PTPRH: variants seen among roughly 807,000 people sequenced by gnomAD.
PTPRH encodes the protein protein tyrosine phosphatase receptor type H, also known as receptor-type tyrosine-protein phosphatase H.
PTPRH carries 113 observed loss-of-function variants against 130.2 expected under a neutral mutation model. The observed-to-expected ratio is 0.87, with a 90% CI of 0.75 to 1.01. PTPRH has a LOEUF of 1.01. PTPRH is among the 50% of genes least tolerant of loss of function. PTPRH has a pLI of 0.00. For synonymous variants in PTPRH, 556 were observed against 577.9 expected (o/e 0.96, Z 0.54); for missense variants, 1,430 against 1,425.0 (o/e 1.00, Z -0.06).
chr19:55,195,802 C>T (rs1157012882), intron 10 of PTPRH, among the ~76,000 whole-genome samples: 1 of 152,114 alleles, frequency 6.6e-6, no homozygotes, highest in African/African-American at 2.4e-5. Context: ...AACTCCTGAG[C>T]TCAAGTGATC....
chr19:55,206,641 C>T, intron 3 of PTPRH, 48 bp downstream of exon 3: 1 of 1,527,822 alleles, frequency 6.5e-7, no homozygotes, highest in Non-Finnish European at 8.8e-7. Context: ...CACCCCCTAC[C>T]ACTGTCCTTA....
chr19:55,206,415 C>G (rs1270659053), intron 3 of PTPRH, among the ~76,000 whole-genome samples: 2 of 151,464 alleles, frequency 1.3e-5, no homozygotes, highest in Non-Finnish European at 2.9e-5. Flanking sequence ...CCTCTGCCTC[C>G]CGGGCTCAAG....
intron 16 of PTPRH, 101 bp from the exon 17 acceptor site, chr19:55,186,085 G>A: frequency 6.3e-7 from 1 of 1,593,908 alleles, no homozygotes; most frequent in Non-Finnish European, 8.6e-7. Flanking sequence ...GCTGGGGGGA[G>A]AGTGGGGAAC....
At chr19:55,190,042 TTCTC>T (rs533025450) in intron 12 of PTPRH, among the ~76,000 whole-genome samples, 169 of 151,924 alleles carry the variant, frequency 1.1e-3, no homozygotes, top group Non-Finnish European at 1.9e-3. Context: ...TCATCTGATT[TTCTC>T]TCTAATTTAT....
intron 3 of PTPRH, among the ~76,000 whole-genome samples, chr19:55,205,904 G>A (rs2087035824): frequency 1.3e-5 from 2 of 152,292 alleles, no homozygotes; most frequent in African/African-American, 4.8e-5. Flanking sequence ...TATATTGAAT[G>A]ATCGTTTTTA....
chr19:55,203,396 TTTCC>T (rs112722502), intron 5 of PTPRH, among the ~76,000 whole-genome samples: 74,939 of 141,326 alleles, frequency 0.53, 20,898 homozygotes, highest in African/African-American at 0.71. Flanking sequence ...AGTTTCTTTC[TTTCC>T]TTCCTTCCTT....
At chr19:55,194,515 C>G (rs1404904255) in intron 10 of PTPRH, among the ~76,000 whole-genome samples, 1 of 152,184 alleles carries the variant, frequency 6.6e-6, no homozygotes, top group Non-Finnish European at 1.5e-5. Flanking sequence ...CCCTCAGTCT[C>G]TCTCCAGATT....
At position 55,198,620 on chromosome 19, in the gene PTPRH, G is replaced by C. The variant is rs370435096; in HGVS notation, c.1690+23C>G. The C allele has an allele frequency of 3.0e-5, 47 of 1,572,598 alleles. No individual in the cohort carries two copies. The African/African-American group carries it at 6.1e-4, about 20-fold the overall frequency. Reference sequence around the variant, plus strand: ...CCTTCCCCCATCCTAATAGGGCTGGGTTCAGAACCGACTGTGTCTCACCAG... The same window carrying C: ...CCTTCCCCCATCCTAATAGGGCTGGCTTCAGAACCGACTGTGTCTCACCAG... On this transcript the variant is annotated intron_variant, in intron 8 of 19. Transcript: ENST00000376350.
In PTPRH at chr19:55,197,260, G is replaced by T. The variant is rs151237358; in HGVS notation, c.1847C>A (p.Ala616Glu). The T allele has an allele frequency of 1.9e-6, 3 of 1,614,218 alleles. No individual in the cohort carries two copies. The Admixed American group carries it at 5.0e-5, about 27-fold the overall frequency. The change falls in exon 9 of 20, where the codon GCG becomes GAG. Residue 616 changes from alanine (A) to glutamate (E), a missense_variant. Transcript: ENST00000376350. Reference sequence around the variant, plus strand: ...CCTGCTGGTCTGGTTGACCCAATTCGCTTGGGGATCTTGCCCCCTCCGGGG... The same window carrying T: ...CCTGCTGGTCTGGTTGACCCAATTCTCTTGGGGATCTTGCCCCCTCCGGGG... Reference protein sequence around the residue: ...GHPRRGQDPQANWVNQTSRTN... With the variant: ...GHPRRGQDPQENWVNQTSRTN...
At chr19:55,197,439 T>C in intron 8 of PTPRH, 23 bp from the exon 9 acceptor site, 2 of 1,597,852 alleles carry the variant, frequency 1.3e-6, no homozygotes, top group Non-Finnish European at 1.7e-6. Flanking sequence ...AACAGAGGCC[T>C]AAGGGGGTAT....
rs1458322906 is a variant in PTPRH, at chr19:55,194,160, T to G, written c.2257+2362A>C. 46 of 1,288,434 alleles carry G rather than the reference T, an allele frequency of 3.6e-5. 1 individual carries two copies. The South Asian group carries it at 5.3e-4, about 15-fold the overall frequency. The allele number at this position is 1,288,434 out of a possible 1,614,324, so 79.8% of individuals were successfully genotyped here. On this transcript the variant is annotated intron_variant, in intron 10 of 19. Transcript: ENST00000376350. ...CCACCGCGCCTGGCTGATCTGGTGG[T>G]GTCTATGGGTGCTCTCAGGCTCTGA...
chr19:55,195,196 G>A (rs967715087), intron 10 of PTPRH, among the ~76,000 whole-genome samples: 2 of 152,130 alleles, frequency 1.3e-5, no homozygotes, highest in African/African-American at 4.8e-5. Flanking sequence ...GTGGTAGGAG[G>A]CGCCTATAAT....
At chr19:55,207,384 G>A in intron 1 of PTPRH, 185 bp from the exon 2 acceptor site, 2 of 618,274 alleles carry the variant, frequency 3.2e-6, no homozygotes, top group Non-Finnish European at 5.7e-6. Context: ...AGAGAAGGGG[G>A]AGCATGGCAG....
intron 18 of PTPRH, among the ~76,000 whole-genome samples, chr19:55,183,399 C>A (rs1053459482): frequency 1.0e-4 from 15 of 149,304 alleles, no homozygotes; most frequent in Admixed American, 1.0e-3. Context: ...AGCAAGATTC[C>A]GTCCCCCACA....
rs749895447 is a variant in PTPRH, at chr19:55,181,746, C to T, written c.*8G>A. 4 of 1,614,050 alleles carry T rather than the reference C, an allele frequency of 2.5e-6. No homozygotes were observed. Among genetic ancestry groups the T allele is most frequent in the African/African-American group, 2.7e-5 (2 of 75,058 alleles). ...ATGCCTGGGCTGCCGACCCAGCCCC[C>T]TCGTCACTTAGACCTCCAACTTGTG... On this transcript the variant is annotated 3_prime_UTR_variant, in exon 20 of 20. Coordinates refer to ENST00000376350, the MANE Select transcript of PTPRH (RefSeq NM_002842.5).
chr19:55,194,334 G>C (rs1374798345), intron 10 of PTPRH: 2 of 1,277,308 alleles, frequency 1.6e-6, no homozygotes, highest in African/African-American at 3.1e-5. Context: ...GGAACTGAAG[G>C]GTCTTACAAC....
chr19:55,206,527 T>G (rs60710021), intron 3 of PTPRH, among the ~76,000 whole-genome samples, 162 bp downstream of exon 3: 46,943 of 151,512 alleles, frequency 0.31, 7,897 homozygotes, highest in African/African-American at 0.45. Flanking sequence ...CAGTTTCTTT[T>G]TACTTATTTT....
At chr19:55,204,647 G>C (rs2086986446) in intron 4 of PTPRH, among the ~76,000 whole-genome samples, 1 of 150,312 alleles carries the variant, frequency 6.7e-6, no homozygotes, top group African/African-American at 2.5e-5. Context: ...TCAGCTCTCA[G>C]AGACCCGGAT....
chr19:55,197,711 T>C (rs1325747311), intron 8 of PTPRH, among the ~76,000 whole-genome samples: 1 of 152,188 alleles, frequency 6.6e-6, no homozygotes, highest in Non-Finnish European at 1.5e-5. Context: ...CTATGGATTC[T>C]CTGTATCGCT....
Sources: allele counts gnomAD v4.1 joint callset (sites outside exome capture counted in the v4.1 genomes callset), GRCh38; gene constraint gnomAD v4.1.1; transcripts MANE v1.5; gene names NCBI Gene and HGNC (gene_info 2026-07-23, HGNC 2026-07-21).